The following CDH18 variants were observed in gnomAD, a reference collection of about 807,000 sequenced individuals.
The protein encoded by CDH18 is cadherin-18.
CDH18 carries 31 observed loss-of-function variants against 67.9 expected under a neutral mutation model. The observed-to-expected ratio is 0.46, with a 90% CI of 0.34 to 0.62. CDH18 has a LOEUF of 0.62. Ranked by LOEUF, CDH18 falls within the 20% of genes least tolerant of loss-of-function variation. The pLI is 0.01. For synonymous variants in CDH18, 362 were observed against 347.2 expected, an observed-to-expected ratio of 1.04 and a Z score of -0.48; for missense variants, 890 against 975.5, an observed-to-expected ratio of 0.91 and a Z score of 1.17.
At chr5:20,197,594 A>G (rs955523980) in intron 2 of CDH18, among the ~76,000 whole-genome samples, 3 of 152,164 alleles carry the variant, frequency 2.0e-5, no homozygotes, top group African/African-American at 7.2e-5. Flanking sequence ...GGCAGTGATC[A>G]TGATTTTGTC....
intron 1 of CDH18, among the ~76,000 whole-genome samples, chr5:20,276,061 C>T (rs567257287): frequency 6.6e-5 from 10 of 152,288 alleles, no homozygotes; most frequent in East Asian, 1.9e-4. Flanking sequence ...CACTACCATG[C>T]GATAAATTGC....
rs144828271 is a variant in CDH18, at chr5:20,483,083, C to T, written c.-580+92379G>A. Among the ~76,000 whole-genome samples the T allele has an allele frequency of 4.5e-4, 68 of 152,076 alleles. No homozygotes were observed. In the East Asian group the frequency reaches 0.011, roughly 24 times the overall value. On this transcript the variant is annotated intron_variant, in intron 1 of 14. Transcript: ENST00000507958. Reference sequence around the variant, plus strand: ...AATTCAGTAAAGTTGAAGGATGTAACATCGGCATACAAAAACCAATAGTGT... The same window carrying T: ...AATTCAGTAAAGTTGAAGGATGTAATATCGGCATACAAAAACCAATAGTGT...
At chr5:19,586,657 T>C (rs548241379) in intron 7 of CDH18, among the ~76,000 whole-genome samples, 1 of 152,318 alleles carries the variant, frequency 6.6e-6, no homozygotes, top group Admixed American at 6.5e-5. Flanking sequence ...TGAATAGTCC[T>C]GCAATAAACA....
At chr5:20,475,736 T>C (rs1216555559) in intron 1 of CDH18, among the ~76,000 whole-genome samples, 1 of 152,178 alleles carries the variant, frequency 6.6e-6, no homozygotes, top group African/African-American at 2.4e-5. Flanking sequence ...TGCAACTAGT[T>C]TTCCCCTGTT....
At chr5:19,725,507 C>T (rs908865566) in intron 4 of CDH18, among the ~76,000 whole-genome samples, 3 of 152,102 alleles carry the variant, frequency 2.0e-5, no homozygotes, top group Non-Finnish European at 4.4e-5. Flanking sequence ...CAGTGGCTCA[C>T]GCCTGTAATC....
intron 3 of CDH18, among the ~76,000 whole-genome samples, chr5:19,810,457 G>T (rs532444347): frequency 6.6e-6 from 1 of 152,146 alleles, no homozygotes; most frequent in East Asian, 1.9e-4. Flanking sequence ...ATTTAATTTA[G>T]TTCAAGACAG....
At chr5:19,975,486 T>C (rs1270848339) in intron 2 of CDH18, among the ~76,000 whole-genome samples, 2 of 152,152 alleles carry the variant, frequency 1.3e-5, no homozygotes, top group Non-Finnish European at 2.9e-5. Flanking sequence ...GTATTTTCAA[T>C]GAAAGGCAAG....
At chr5:20,065,167 T>C (rs1742866433) in intron 2 of CDH18, among the ~76,000 whole-genome samples, 1 of 151,948 alleles carries the variant, frequency 6.6e-6, no homozygotes, top group South Asian at 2.1e-4. Flanking sequence ...TTTCTACTTA[T>C]TATAAGTTAA....
intron 2 of CDH18, among the ~76,000 whole-genome samples, chr5:19,855,632 G>A (rs1040884916): frequency 9.9e-5 from 15 of 152,122 alleles, no homozygotes; most frequent in African/African-American, 3.1e-4. Flanking sequence ...GACAGAAAAT[G>A]GAGCAGCTGG....
At chr5:20,094,546 C>T (rs1402934671) in intron 2 of CDH18, among the ~76,000 whole-genome samples, 1 of 152,124 alleles carries the variant, frequency 6.6e-6, no homozygotes, top group Admixed American at 6.5e-5. Context: ...TTATAAATTA[C>T]TTTGGGCAGT....
intron 4 of CDH18, among the ~76,000 whole-genome samples, chr5:19,731,042 T>C (rs1767524938): frequency 6.6e-6 from 1 of 152,194 alleles, no homozygotes; most frequent in Non-Finnish European, 1.5e-5. Flanking sequence ...TTTACATCTT[T>C]GATTTTATAG....
At chr5:19,804,463 C>T (rs1777832008) in intron 3 of CDH18, among the ~76,000 whole-genome samples, 1 of 152,024 alleles carries the variant, frequency 6.6e-6, no homozygotes, top group Non-Finnish European at 1.5e-5. Flanking sequence ...GTACTTGGAC[C>T]TCACACAATT....
chr5:20,141,656 G>T (rs1349122714), intron 2 of CDH18, among the ~76,000 whole-genome samples: 1 of 152,134 alleles, frequency 6.6e-6, no homozygotes, highest in African/African-American at 2.4e-5. Flanking sequence ...TCAAAATATA[G>T]ATTGAGGTTT....
At chr5:20,357,064 G>A (rs1446780179) in intron 1 of CDH18, among the ~76,000 whole-genome samples, 1 of 151,538 alleles carries the variant, frequency 6.6e-6, no homozygotes, top group Non-Finnish European at 1.5e-5. Context: ...TAGTGTTAGT[G>A]TAACATGTTA....
At chr5:19,871,585 C>T (rs1202401216) in intron 2 of CDH18, among the ~76,000 whole-genome samples, 2 of 151,940 alleles carry the variant, frequency 1.3e-5, no homozygotes, top group Non-Finnish European at 1.5e-5. Flanking sequence ...TTAATATTTC[C>T]TAATATGAAA....
chr5:20,074,119 A>G (rs1294619235), intron 2 of CDH18, among the ~76,000 whole-genome samples: 4 of 152,112 alleles, frequency 2.6e-5, no homozygotes, highest in Admixed American at 6.5e-5. Context: ...AACTGGCTAT[A>G]AGTTTATTAG....
chr5:19,988,907 A>T (rs1336407404), upstream of CDH18, among the ~76,000 whole-genome samples: 11 of 152,130 alleles, frequency 7.2e-5, no homozygotes, highest in Admixed American at 7.2e-4. Context: ...GTCAGCATTT[A>T]TATTTGTGAA....
At chr5:20,149,598 C>T (rs1750939776) in intron 2 of CDH18, among the ~76,000 whole-genome samples, 3 of 152,144 alleles carry the variant, frequency 2.0e-5, no homozygotes, top group Admixed American at 2.0e-4. Flanking sequence ...GAACCATTTC[C>T]ATGTAAGTCT....
At chr5:19,958,064 G>T (rs1227051490) in intron 2 of CDH18, among the ~76,000 whole-genome samples, 1 of 151,604 alleles carries the variant, frequency 6.6e-6, no homozygotes, top group Non-Finnish European at 1.5e-5. Flanking sequence ...TTGTGTTTGG[G>T]GATGAACTTA....
Sources: allele counts gnomAD v4.1 joint callset (sites outside exome capture counted in the v4.1 genomes callset), GRCh38; gene constraint gnomAD v4.1.1; transcripts MANE v1.5; gene names NCBI Gene and HGNC (gene_info 2026-07-23, HGNC 2026-07-21).